Variants in EEF1AKMT1 observed in about 807,000 individuals in gnomAD.
The protein encoded by EEF1AKMT1 is EEF1A lysine methyltransferase 1, also known as N-6 adenine-specific DNA methyltransferase 2 (putative).
A neutral mutation model predicts 21.0 loss-of-function variants in EEF1AKMT1; 18 were observed. The ratio of observed to expected loss-of-function variants is 0.86; its 90% CI spans 0.59 to 1.27. The LOEUF (loss-of-function observed/expected upper bound fraction) is 1.27, where lower values mean the gene tolerates loss of function less well. EEF1AKMT1 is among the 50% of genes most tolerant of loss of function. The pLI is 0.00. For synonymous variants in EEF1AKMT1, 109 were observed against 94.8 expected, an observed-to-expected ratio of 1.15 and a Z score of -0.87; for missense variants, 246 against 258.6, an observed-to-expected ratio of 0.95 and a Z score of 0.33.
intron 2 of EEF1AKMT1, among the ~76,000 whole-genome samples, chr13:20,755,254 A>G (rs1027467068): frequency 2.6e-5 from 4 of 152,180 alleles, no homozygotes; most frequent in Non-Finnish European, 5.9e-5. Context: ...GGGGAAGTCA[A>G]TGGGGCTCCA....
intron 1 of EEF1AKMT1, among the ~76,000 whole-genome samples, chr13:20,767,453 G>A (rs2059041355): frequency 6.6e-6 from 1 of 151,706 alleles, no homozygotes; most frequent in African/African-American, 2.4e-5. Flanking sequence ...CTGTTTAACT[G>A]TGGGTATAGA....
chr13:20,767,103 G>T (rs921917737), intron 1 of EEF1AKMT1, among the ~76,000 whole-genome samples: 1 of 151,774 alleles, frequency 6.6e-6, no homozygotes, highest in Non-Finnish European at 1.5e-5. Context: ...TCAGGAGATC[G>T]AGACCATCCT....
chr13:20,772,327 G>C (rs2059066895), intron 1 of EEF1AKMT1, among the ~76,000 whole-genome samples: 1 of 152,136 alleles, frequency 6.6e-6, no homozygotes, highest in Admixed American at 6.5e-5. Flanking sequence ...ATGTGGCTCA[G>C]ACTCTAAATC....
intron 2 of EEF1AKMT1, among the ~76,000 whole-genome samples, chr13:20,757,058 C>T (rs1410666600): frequency 6.6e-6 from 1 of 152,154 alleles, no homozygotes; most frequent in Non-Finnish European, 1.5e-5. Context: ...TTGGGAACCG[C>T]CGAACGTGGG....
chr13:20,739,197 C>T (rs182698489), intron 2 of EEF1AKMT1, among the ~76,000 whole-genome samples: 11 of 152,216 alleles, frequency 7.2e-5, no homozygotes, highest in South Asian at 4.2e-4. Context: ...GGGTTGGTAA[C>T]TTCGCTGGTT....
chr13:20,760,595 G>C (rs995761940), intron 1 of EEF1AKMT1, among the ~76,000 whole-genome samples: 2 of 152,164 alleles, frequency 1.3e-5, no homozygotes, highest in Admixed American at 6.5e-5. Context: ...CAGATATTAT[G>C]TTCAATATTG....
intron 2 of EEF1AKMT1, among the ~76,000 whole-genome samples, chr13:20,739,000 T>TA (rs1197400282): frequency 4.6e-5 from 7 of 152,190 alleles, no homozygotes; most frequent in Non-Finnish European, 8.8e-5. Context: ...TTCTTAAAGA[T>TA]AGTGTGCCCA....
chr13:20,748,218 T>C (rs1315627259), intron 2 of EEF1AKMT1, among the ~76,000 whole-genome samples: 1 of 152,058 alleles, frequency 6.6e-6, no homozygotes, highest in Admixed American at 6.5e-5. Context: ...GGGCGGACCA[T>C]GAGGTCAGGA....
chr13:20,766,441 T>A (rs2059033468), intron 1 of EEF1AKMT1, among the ~76,000 whole-genome samples: 1 of 152,102 alleles, frequency 6.6e-6, no homozygotes, highest in African/African-American at 2.4e-5. Flanking sequence ...ATTCACTACA[T>A]AGCAGTGAAA....
At chr13:20,773,115 G>C (rs574265350) in intron 1 of EEF1AKMT1, among the ~76,000 whole-genome samples, 2 of 152,260 alleles carry the variant, frequency 1.3e-5, no homozygotes, top group African/African-American at 4.8e-5. Context: ...GAGTCCCCCT[G>C]CCTCAAACAG....
At chr13:20,766,076 G>C (rs980288224) in intron 1 of EEF1AKMT1, among the ~76,000 whole-genome samples, 1 of 151,938 alleles carries the variant, frequency 6.6e-6, no homozygotes, top group Non-Finnish European at 1.5e-5. Context: ...AAGGTGGGCA[G>C]ATCATGAGGT....
intron 3 of EEF1AKMT1, among the ~76,000 whole-genome samples, chr13:20,734,453 G>A (rs1410842297): frequency 2.6e-5 from 4 of 152,156 alleles, no homozygotes; most frequent in East Asian, 1.9e-4. Context: ...AAACTAGAGC[G>A]TGTAAGAGGA....
At chr13:20,771,808 C>G (rs552423032) in intron 1 of EEF1AKMT1, among the ~76,000 whole-genome samples, 1 of 152,076 alleles carries the variant, frequency 6.6e-6, no homozygotes, top group Non-Finnish European at 1.5e-5. Flanking sequence ...GTAAAGAATT[C>G]GGGATCAGCC....
chr13:20,745,850 AAAAAAT>A (rs754892399), intron 2 of EEF1AKMT1, among the ~76,000 whole-genome samples: 6 of 152,262 alleles, frequency 3.9e-5, no homozygotes, highest in Middle Eastern at 3.4e-3. Context: ...TACATCTCGA[AAAAAAT>A]AAAAATAAAA....
intron 2 of EEF1AKMT1, among the ~76,000 whole-genome samples, chr13:20,754,741 C>CAAAAAA (rs56777421): frequency 1.5e-3 from 178 of 116,468 alleles, no homozygotes; most frequent in Middle Eastern, 5.7e-3. Flanking sequence ...ACCAAAAATA[C>CAAAAAA]AAAAAAAAAA....
intron 1 of EEF1AKMT1, among the ~76,000 whole-genome samples, chr13:20,763,421 T>C (rs2059011145): frequency 1.3e-5 from 2 of 152,102 alleles, no homozygotes; most frequent in Admixed American, 6.5e-5. Context: ...CGGTATTTTG[T>C]TATAGCATCC....
Position 20,728,811 on chromosome 13 carries a change from C to A in EEF1AKMT1, c.*269G>T. ...CCACACAACTGTTCTTCTGTTTTTACACATGTTAAATGAGGAGAGAAGATC... is the reference window on the plus strand; with the variant it reads ...CCACACAACTGTTCTTCTGTTTTTAAACATGTTAAATGAGGAGAGAAGATC... On this transcript the variant is annotated 3_prime_UTR_variant, in exon 5 of 5. Coordinates refer to ENST00000382758, the MANE Select transcript of EEF1AKMT1 (RefSeq NM_001318939.2). 1 of 457,664 alleles carries A rather than the reference C, an allele frequency of 2.2e-6. No homozygotes were observed. Among genetic ancestry groups the A allele is most frequent in the African/African-American group, 2.0e-5 (1 of 50,654 alleles). 28.4% of individuals were successfully genotyped at this position (457,664 alleles called of 1,614,324 possible).
chr13:20,744,025 T>G (rs1176447932), intron 2 of EEF1AKMT1, among the ~76,000 whole-genome samples: 1 of 152,216 alleles, frequency 6.6e-6, no homozygotes, highest in East Asian at 1.9e-4. Flanking sequence ...GGACATGAAC[T>G]CATCCTTTTT....
chr13:20,749,780 C>G (rs1430267983), intron 2 of EEF1AKMT1, among the ~76,000 whole-genome samples: 1 of 152,170 alleles, frequency 6.6e-6, no homozygotes, highest in Non-Finnish European at 1.5e-5. Flanking sequence ...TTGAATGTAT[C>G]ACTCTATTTT....
Sources: gnomAD v4.1 joint callset for allele counts (sites outside exome capture counted in the v4.1 genomes callset) on GRCh38, gnomAD v4.1.1 for gene constraint, MANE v1.5 for transcripts, NCBI Gene and HGNC (gene_info 2026-07-23, HGNC 2026-07-21) for gene names.